MEGF8: variants seen among roughly 807,000 people sequenced by gnomAD.
MEGF8 encodes multiple EGF like domains 8.
In MEGF8, 156 loss-of-function variants were observed where a neutral mutation model predicts 302.9. That is an observed-to-expected ratio of 0.52 (90% confidence interval 0.45 to 0.59). The LOEUF (loss-of-function observed/expected upper bound fraction) is 0.59, where lower values mean the gene tolerates loss of function less well. Ranked by LOEUF, MEGF8 falls within the 20% of genes least tolerant of loss-of-function variation. The pLI is 0.00. For missense variants in MEGF8, 3,345 were observed against 3,964.5 expected (o/e 0.84, Z 4.20); for synonymous variants, 1,621 against 1,660.5 (o/e 0.98, Z 0.58).
At chr19:42,360,491 G>A (rs1237260607) in intron 31 of MEGF8, among the ~76,000 whole-genome samples, 1 of 151,884 alleles carries the variant, frequency 6.6e-6, no homozygotes, top group African/African-American at 2.4e-5. Flanking sequence ...GGCCACAGGT[G>A]CGCACCACCA....
rs141413149 is a variant in MEGF8, at chr19:42,363,133, G to T, written c.6144G>T (p.Pro2048=). 1.2e-6 allele frequency: 2 copies of T among 1,612,936 alleles called. No homozygotes were observed. Among genetic ancestry groups the T allele is most frequent in the South Asian group, 2.2e-5 (2 of 90,890 alleles). The change falls in exon 35 of 42, where the codon CCG becomes CCT. Residue 2048 remains proline, a synonymous_variant. Transcript: ENST00000251268. ...CTCTGCTGAATGTGTCCCCCATGCC[G>T]GTGGAATCATCACCCCCACTGCCCT... ...SHSLLNVSPM[P]VESSPPLPCP...
chr19:42,349,056 T>C (rs2039330752), intron 13 of MEGF8, among the ~76,000 whole-genome samples: 2 of 152,044 alleles, frequency 1.3e-5, no homozygotes, highest in African/African-American at 4.8e-5. Flanking sequence ...TCCCAGCCCT[T>C]TGGGAGGTAG....
chr19:42,344,520 C>T lies in MEGF8; in HGVS notation c.1868C>T (p.Ala623Val). The T allele has an allele frequency of 1.3e-6, 2 of 1,599,778 alleles. No homozygotes were observed. The highest frequency in any genetic ancestry group is 1.1e-5 in the South Asian group (1 of 90,968). The change falls in exon 11 of 42, where the codon GCC (alanine) becomes GTC (valine). Residue 623 changes from alanine (A) to valine (V), a missense_variant. Transcript: ENST00000251268. The surrounding 1 kb of genome is among the most constrained non-coding windows in gnomAD (Gnocchi z 4.5). Reference protein sequence around the residue: ...QACLAFSSPTAPPRGPGTLGW... With the variant: ...QACLAFSSPTVPPRGPGTLGW... ...TGCCTGGCCTTCAGCAGCCCCACAG[C>T]CCCTCCACGGGGACCTGGCACCCTG...
rs1482501017 is a variant in MEGF8 at position 42,354,227 on chromosome 19, C to T, written c.4011+203C>T. Among the ~76,000 whole-genome samples the T allele has an allele frequency of 6.6e-6, 1 of 151,878 alleles. No homozygotes were observed. The highest frequency in any genetic ancestry group is 1.5e-5 in the Non-Finnish European group (1 of 67,976). On this transcript the variant is annotated intron_variant, in intron 22 of 41. Transcript: ENST00000251268. The surrounding 1 kb of genome is among the most constrained non-coding windows in gnomAD (Gnocchi z 4.3). Reference sequence around the variant, plus strand: ...GACCCCCCCATTTCCCAGATAGCTTCCTATTTCCTCAGCTCCCATCTCCAA... The same window carrying T: ...GACCCCCCCATTTCCCAGATAGCTTTCTATTTCCTCAGCTCCCATCTCCAA...
chr19:42,354,764 G>A lies in MEGF8; in HGVS notation c.4144+44G>A. On this transcript the variant is annotated intron_variant, in intron 23 of 41. Coordinates refer to ENST00000251268, the MANE Select transcript of MEGF8 (RefSeq NM_001271938.2). The surrounding 1 kb of genome is among the most constrained non-coding windows in gnomAD (Gnocchi z 4.3). ...GTGGGACCTCTTAGTCCTGGGCTATGTATCCCTTGCCCCTGAACTCACCAC... is the reference window on the plus strand; with the variant it reads ...GTGGGACCTCTTAGTCCTGGGCTATATATCCCTTGCCCCTGAACTCACCAC... The A allele has an allele frequency of 6.4e-7, 1 of 1,561,368 alleles. No individual in the cohort carries two copies.
chr19:42,365,329 C>T (rs2039588888), intron 35 of MEGF8, among the ~76,000 whole-genome samples: 2 of 151,758 alleles, frequency 1.3e-5, no homozygotes, highest in Non-Finnish European at 2.9e-5. Context: ...GGGGAGTGGC[C>T]AGGAGGGTGG....
intron 12 of MEGF8, among the ~76,000 whole-genome samples, chr19:42,345,527 G>A (rs2039277257): frequency 1.3e-5 from 2 of 152,188 alleles, no homozygotes; most frequent in African/African-American, 2.4e-5. Flanking sequence ...TCATGTACAT[G>A]GAGGCCTGTA....
Position 42,358,694 on chromosome 19 carries a change from A to G in MEGF8, c.5176-93A>G. 7.1e-7 allele frequency: 1 copy of G among 1,399,456 alleles called. No individual in the cohort carries two copies. Among genetic ancestry groups the G allele is most frequent in the African/African-American group, 1.5e-5 (1 of 68,664 alleles). The allele number at this position is 1,399,456 out of a possible 1,614,324, so 86.7% of individuals were successfully genotyped here. A position where few individuals can be genotyped will look rare whatever the true frequency, so the allele number is the denominator to read the frequency against. Reference sequence around the variant, plus strand: ...ACTGGTTAGAGAGGCTGGTGGTTTCAGTCCACACGTTTCCAAGCCCGTCTT... The same window carrying G: ...ACTGGTTAGAGAGGCTGGTGGTTTCGGTCCACACGTTTCCAAGCCCGTCTT... On this transcript the variant is annotated intron_variant, in intron 29 of 41. Coordinates refer to ENST00000251268, the MANE Select transcript of MEGF8 (RefSeq NM_001271938.2). This position sits in a 1 kb window ranked among gnomAD's most constrained non-coding sequence, Gnocchi z 4.4.
At position 42,370,749 on chromosome 19, in the gene MEGF8, G is replaced by T; in HGVS notation, c.7054G>T (p.Val2352Leu). ...EGPSEDEAVC[V>L]NCQNNSYGEK... ...TCCTAGTGAAGACGAGGCCGTGTGC[G>T]TGAACTGCCAGAATAACAGCTATGG... The change falls in exon 40 of 42, where the codon GTG becomes TTG. Residue 2352 changes from valine (V) to leucine (L), a missense_variant. Transcript: ENST00000251268. The T allele has an allele frequency of 6.3e-7, 1 of 1,581,860 alleles. No homozygotes were observed. Among genetic ancestry groups the T allele is most frequent in the East Asian group, 2.3e-5 (1 of 43,332 alleles).
In MEGF8 at chr19:42,353,034, G is replaced by C; in HGVS notation, c.3457G>C (p.Gly1153Arg). 1.3e-6 allele frequency: 2 copies of C among 1,555,988 alleles called. No individual in the cohort carries two copies. The highest frequency in any genetic ancestry group is 1.7e-6 in the Non-Finnish European group (2 of 1,150,260). Residue 1153 changes from glycine (G) to arginine (R), a missense_variant, in exon 20 of 42, where the codon GGT becomes CGT. Gly to Arg is a moderately radical substitution (Grantham distance 125). Coordinates refer to ENST00000251268, the MANE Select transcript of MEGF8 (RefSeq NM_001271938.2). The surrounding 1 kb of genome is among the most constrained non-coding windows in gnomAD (Gnocchi z 6.1). ...CCTGCCCCCTCCCACACCCGCCCCG[G>C]GTCCGCCAGCCCCCCGCTGCTCCCG... The part of the protein sequence containing the change: ...SDLPPPTPAP[G>R]PPAPRCSRDC...
intron 41 of MEGF8, among the ~76,000 whole-genome samples, chr19:42,374,218 G>A (rs1296815043): frequency 1.3e-5 from 2 of 152,032 alleles, no homozygotes; most frequent in Non-Finnish European, 2.9e-5. Flanking sequence ...AGTGGCTCAT[G>A]CCAGCACTTT....
In MEGF8 at chr19:42,371,357, T is replaced by G; in HGVS notation, c.7144T>G (p.Cys2382Gly). The G allele has an allele frequency of 1.2e-6, 2 of 1,613,792 alleles. No homozygotes were observed. ...LLDGKCTKCQ[C>G]NGHADTCNEQ... ...CCTCAACTTCTTCCCCAGATGCCAG[T>G]GTAATGGCCACGCGGACACATGTAA... is the stretch of plus-strand genomic sequence containing the variant. Residue 2382 changes from cysteine (C) to glycine (G), a missense_variant, in exon 41 of 42, where the codon TGT becomes GGT. Cys to Gly is a radical substitution (Grantham distance 159, BLOSUM62 -3). Transcript: ENST00000251268.
At chr19:42,339,159 T>C (rs1292917567) in intron 8 of MEGF8, among the ~76,000 whole-genome samples, 1 of 152,202 alleles carries the variant, frequency 6.6e-6, no homozygotes, top group East Asian at 1.9e-4. Context: ...CAGTCTATCA[T>C]TGATGGGCAT....
At position 42,363,177 on chromosome 19, in the gene MEGF8, T is replaced by G. The variant is rs766092293; in HGVS notation, c.6188T>G (p.Leu2063Arg). The part of the protein sequence containing the change: ...PPLPCPTPCH[L>R]LPNCTSCLDS... ...CTGCCCTGCCCCACCCCTTGTCACC[T>G]CCTACCCAACTGTACCTCCTGCCTG... The change falls in exon 35 of 42, where the codon CTC (leucine) becomes CGC (arginine). Residue 2063 changes from leucine to arginine, a missense_variant. Transcript: ENST00000251268. 7 of 1,612,160 alleles carry G rather than the reference T, an allele frequency of 4.3e-6. No individual in the cohort carries two copies. The South Asian group carries it at 7.7e-5, about 18-fold the overall frequency.
Position 42,352,578 on chromosome 19 carries a change from G to C in MEGF8, c.3350+122G>C. 7.6e-7 allele frequency: 1 copy of C among 1,319,998 alleles called. No homozygotes were observed. Among genetic ancestry groups the C allele is most frequent in the Admixed American group, 2.6e-5 (1 of 37,982 alleles). The allele number at this position is 1,319,998 out of a possible 1,614,324, so 81.8% of individuals were successfully genotyped here. A position where few individuals can be genotyped will look rare whatever the true frequency, so the allele number is the denominator to read the frequency against. ...GGAACCAGCATCCCCAGTTAGCCAG[G>C]GGTTTTTACCTTGCACACTAGGTCC... On this transcript the variant is annotated intron_variant, in intron 19 of 41. Coordinates refer to ENST00000251268, the MANE Select transcript of MEGF8 (RefSeq NM_001271938.2). This position sits in a 1 kb window ranked among gnomAD's most constrained non-coding sequence, Gnocchi z 4.4.
In MEGF8 at chr19:42,370,807, T is replaced by G; in HGVS notation, c.7112T>G (p.Phe2371Cys). Residue 2371 changes from phenylalanine to cysteine, a missense_variant, in exon 40 of 42, where the codon TTC becomes TGC. Phe to Cys is a radical substitution (Grantham distance 205). Coordinates refer to ENST00000251268, the MANE Select transcript of MEGF8 (RefSeq NM_001271938.2). ...TGCGAGAGCTGCCTGCAGGGCTACT[T>G]CCTCCTGGACGGGAAGTGCACCAAG... ...EKCESCLQGY[F>C]LLDGKCTKCQ... 1.6e-6 allele frequency: 2 copies of G among 1,216,184 alleles called. No individual in the cohort carries two copies. The highest frequency in any genetic ancestry group is 2.3e-6 in the Non-Finnish European group (2 of 875,604). The allele number at this position is 1,216,184 out of a possible 1,614,324, so 75.3% of individuals were successfully genotyped here. A position where few individuals can be genotyped will look rare whatever the true frequency, so the allele number is the denominator to read the frequency against.
rs1290590921 is a variant in MEGF8 at position 42,368,179 on chromosome 19, A to G, written c.6274-276A>G. Among the ~76,000 whole-genome samples, 1 of 152,062 alleles carries G rather than the reference A, an allele frequency of 6.6e-6. No homozygotes were observed. The highest frequency in any genetic ancestry group is 6.5e-5 in the Admixed American group (1 of 15,268). ...GTGATCCTCCCACTGTAGCCTCCCA[A>G]AGTATTGGGATTACAGGTGTGAGCC... On this transcript the variant is annotated intron_variant, in intron 35 of 41. Transcript: ENST00000251268. The surrounding 1 kb of genome is among the most constrained non-coding windows in gnomAD (Gnocchi z 4.9).
At chr19:42,334,241 CT>C (rs1446954291) in intron 3 of MEGF8, 28 bp downstream of exon 3, 2 of 1,558,452 alleles carry the variant, frequency 1.3e-6, no homozygotes, top group Non-Finnish European at 1.7e-6. Flanking sequence ...CCTGTTTCCC[CT>C]GGGGCCCTGA....
Position 42,356,287 on chromosome 19 carries a change from C to G in MEGF8, c.4504-48C>G. The stretch of plus-strand genomic sequence containing the variant: ...ACCACCCCTACACCCAGGCCTGGCA[C>G]TTTGTCCTGACCCTAGCCTGATCCC... On this transcript the variant is annotated intron_variant, in intron 25 of 41. Transcript: ENST00000251268. This position sits in a 1 kb window ranked among gnomAD's most constrained non-coding sequence, Gnocchi z 5.2. 6.3e-7 allele frequency: 1 copy of G among 1,577,230 alleles called. No individual in the cohort carries two copies. The highest frequency in any genetic ancestry group is 8.6e-7 in the Non-Finnish European group (1 of 1,162,288).
Sources: allele counts gnomAD v4.1 joint callset (sites outside exome capture counted in the v4.1 genomes callset), GRCh38; gene constraint gnomAD v4.1.1; non-coding constraint Gnocchi (gnomAD v3.1); transcripts MANE v1.5; gene names NCBI Gene and HGNC (gene_info 2026-07-23, HGNC 2026-07-21).